The following STOM variants were observed in gnomAD, a reference collection of about 807,000 sequenced individuals.
STOM encodes erythrocyte band 7 integral membrane protein.
A neutral mutation model predicts 30.6 loss-of-function variants in STOM; 25 were observed. The ratio of observed to expected loss-of-function variants is 0.82; its 90% CI spans 0.60 to 1.14. The LOEUF is 1.14. Among genes scored for constraint, STOM ranks in the 50% most tolerant of loss-of-function variants. STOM has a pLI of 0.00. For synonymous variants in STOM, 118 were observed against 130.8 expected (o/e 0.90, Z 0.67); for missense variants, 292 against 365.2 (o/e 0.80, Z 1.63).
intron 6 of STOM, among the ~76,000 whole-genome samples, chr9:121,345,694 G>C (rs978061496): frequency 3.9e-5 from 6 of 152,150 alleles, no homozygotes; most frequent in Admixed American, 3.9e-4. Flanking sequence ...TGGGAGCATG[G>C]CAATTCAGAA....
chr9:121,348,014 C>T lies in STOM; in HGVS notation c.660+1G>A. 1 of 1,604,046 alleles carries T rather than the reference C, an allele frequency of 6.2e-7. No homozygotes were observed. The highest frequency in any genetic ancestry group is 1.1e-5 in the South Asian group (1 of 89,202). On this transcript the variant is annotated splice_donor_variant, in intron 6 of 6. Transcript: ENST00000286713. LOFTEE classifies it high-confidence loss of function. The stretch of plus-strand genomic sequence containing the variant: ...AAAAACAAGTTTAAAAAAAAAGTTA[C>T]CTTGGCGCGGGCCTCGCGGGACGCT...
chr9:121,361,972 G>A (rs553330070), intron 1 of STOM, among the ~76,000 whole-genome samples: 1 of 152,332 alleles, frequency 6.6e-6, no homozygotes, highest in Admixed American at 6.5e-5. Context: ...GCTCTTATGA[G>A]AATCTAATGT....
intron 1 of STOM, among the ~76,000 whole-genome samples, chr9:121,368,248 T>C (rs1335087745): frequency 6.6e-6 from 1 of 152,178 alleles, no homozygotes; most frequent in Non-Finnish European, 1.5e-5. Context: ...AAACAGTAGT[T>C]AAGTGTAGAA....
intron 1 of STOM, among the ~76,000 whole-genome samples, chr9:121,364,091 A>G (rs1176581367): frequency 6.6e-6 from 1 of 152,190 alleles, no homozygotes; most frequent in Non-Finnish European, 1.5e-5. Flanking sequence ...AAGGAGTAAA[A>G]ATGGGAGAAA....
In STOM at chr9:121,354,659, A is replaced by G. The variant is rs773962680; in HGVS notation, c.180T>C (p.Tyr60=). 1.9e-6 allele frequency: 3 copies of G among 1,609,036 alleles called. No individual in the cohort carries two copies. Among genetic ancestry groups the G allele is most frequent in the East Asian group, 2.2e-5 (1 of 44,830 alleles). The change falls in exon 3 of 7, where the codon TAT becomes TAC. Residue 60 remains tyrosine (Y), a synonymous_variant. Transcript: ENST00000286713. ...CCAATCTAAAGATGATGGCTCTTTC[A>G]TACTCTTTTATAATCTAGAATAAAA... is the stretch of plus-strand genomic sequence containing the variant. The part of the protein sequence containing the change: ...IWMCIKIIKE[Y]ERAIIFRLGR...
At position 121,348,125 on chromosome 9, in the gene STOM, C is replaced by A; in HGVS notation, c.550G>T (p.Ala184Ser). 1 of 1,614,208 alleles carries A rather than the reference C, an allele frequency of 6.2e-7. No individual in the cohort carries two copies. The change falls in exon 6 of 7, where the codon GCC (alanine) becomes TCC (serine). Residue 184 changes from alanine to serine, a missense_variant. By Grantham distance (99) the Ala-to-Ser change is moderately conservative. Transcript: ENST00000286713. ...ACACGCTCCACCTTTATTCCCCAGG[C>A]ATCAGTGGCATCATCCAGAGTAGAC... Reference protein sequence around the residue: ...MQSTLDDATDAWGIKVERVEI... With the variant: ...MQSTLDDATDSWGIKVERVEI...
intron 4 of STOM, among the ~76,000 whole-genome samples, chr9:121,352,592 T>G (rs1437261950): frequency 6.6e-6 from 1 of 152,222 alleles, no homozygotes; most frequent in Non-Finnish European, 1.5e-5. Context: ...ACTGTAATAG[T>G]AACAGTAAGA....
chr9:121,365,456 A>G (rs1269151483), intron 1 of STOM, among the ~76,000 whole-genome samples: 1 of 148,078 alleles, frequency 6.8e-6, no homozygotes, highest in Non-Finnish European at 1.5e-5. Flanking sequence ...AAAACAGAAC[A>G]AAAACCCTCC....
chr9:121,354,758 A>G (rs1325233307), intron 2 of STOM, 85 bp from the exon 3 acceptor site: 5 of 1,008,796 alleles, frequency 5.0e-6, no homozygotes. Context: ...TTTCTGCTCT[A>G]AACAGATTAG....
Position 121,353,633 on chromosome 9 carries a change from C to T in STOM, c.239-331G>A, listed in dbSNP as rs116639945. 6.4e-3 allele frequency among the ~76,000 whole-genome samples: 978 copies of T among 152,132 alleles called. 15 individuals are homozygous for T. The highest frequency in any genetic ancestry group is 0.021 in the African/African-American group (871 of 41,482). ...ATAATCTATTTCCTAAGCTGCAAGC[C>T]GAGCAATCCCCCCTAAAATACAAAC... On this transcript the variant is annotated intron_variant, in intron 3 of 6. Coordinates refer to ENST00000286713, the MANE Select transcript of STOM (RefSeq NM_004099.6).
intron 4 of STOM, among the ~76,000 whole-genome samples, chr9:121,351,806 A>G (rs910717674): frequency 3.3e-5 from 5 of 152,260 alleles, no homozygotes; most frequent in Non-Finnish European, 7.3e-5. Context: ...AGTTTCATCT[A>G]TGATAATACT....
chr9:121,341,202 C>G lies in STOM; in HGVS notation c.867G>C (p.Ter289TyrextTer6). 6.2e-7 allele frequency: 1 copy of G among 1,614,164 alleles called. No individual in the cohort carries two copies. Among genetic ancestry groups the G allele is most frequent in the Non-Finnish European group, 8.5e-7 (1 of 1,180,020 alleles). Residue 289 changes from the stop codon to tyrosine, a stop_lost, in exon 7 of 7, where the codon TAG becomes TAC. Coordinates refer to ENST00000286713, the MANE Select transcript of STOM (RefSeq NM_004099.6). ...TGGAAGGCTAGCGCTCATCTCTACA[C>G]TAGCCTAGATGGCTGTGTTTTGCCC... ...IIGAKHSHLG[*>Y]
At chr9:121,345,606 T>C (rs950113464) in intron 6 of STOM, among the ~76,000 whole-genome samples, 1 of 152,196 alleles carries the variant, frequency 6.6e-6, no homozygotes, top group Non-Finnish European at 1.5e-5. Context: ...TCATTGTGAT[T>C]CTATGTGTGA....
chr9:121,352,256 CATAA>C (rs917090152), intron 4 of STOM, among the ~76,000 whole-genome samples: 42 of 152,328 alleles, frequency 2.8e-4, no homozygotes, highest in Admixed American at 4.6e-4. Flanking sequence ...GTAAATACTA[CATAA>C]ATAGTTGCTA....
chr9:121,344,736 G>A (rs1434253607), intron 6 of STOM, among the ~76,000 whole-genome samples: 1 of 152,182 alleles, frequency 6.6e-6, no homozygotes, highest in African/African-American at 2.4e-5. Flanking sequence ...AGAGGAAAAG[G>A]CAGAGAAAGG....
intron 1 of STOM, among the ~76,000 whole-genome samples, chr9:121,358,144 A>AG (rs2064413905): frequency 1.4e-5 from 2 of 147,786 alleles, no homozygotes; most frequent in Non-Finnish European, 3.0e-5. Flanking sequence ...CTACTTTAAA[A>AG]AAAAAAAAAA....
At chr9:121,361,384 T>A (rs1408785957) in intron 1 of STOM, among the ~76,000 whole-genome samples, 6 of 103,730 alleles carry the variant, frequency 5.8e-5, no homozygotes, top group African/African-American at 2.0e-4. Context: ...TGTGGACTTT[T>A]TTTTTTTTTT....
chr9:121,366,239 C>G lies in STOM; in HGVS notation c.61+3888G>C, dbSNP rs560692009. 1.6e-4 allele frequency: 153 copies of G among 985,268 alleles called. No individual in the cohort carries two copies. The African/African-American group carries it at 2.6e-3, about 17-fold the overall frequency. The allele number at this position is 985,268 out of a possible 1,614,324, so 61.0% of individuals were successfully genotyped here. A position where few individuals can be genotyped will look rare whatever the true frequency, so the allele number is the denominator to read the frequency against. Reference sequence around the variant, plus strand: ...AATGTGAGGCCAAATGCTTGGAGTTCAAGTTTCTTTAGTAGTCCCAGCAGA... The same window carrying G: ...AATGTGAGGCCAAATGCTTGGAGTTGAAGTTTCTTTAGTAGTCCCAGCAGA... On this transcript the variant is annotated intron_variant, in intron 1 of 6. Coordinates refer to ENST00000286713, the MANE Select transcript of STOM (RefSeq NM_004099.6).
chr9:121,347,911 C>T, intron 6 of STOM, 104 bp downstream of exon 6: 1 of 1,393,090 alleles, frequency 7.2e-7, no homozygotes, highest in Non-Finnish European at 9.5e-7. Context: ...TTTACCACTT[C>T]AAGATTATTT....
Sources: gnomAD v4.1 joint callset for allele counts (sites outside exome capture counted in the v4.1 genomes callset) on GRCh38, gnomAD v4.1.1 for gene constraint, MANE v1.5 for transcripts, NCBI Gene and HGNC (gene_info 2026-07-23, HGNC 2026-07-21) for gene names.